The following TUBGCP3 variants were observed in gnomAD, a reference collection of about 807,000 sequenced individuals.
The protein encoded by TUBGCP3 is tubulin gamma complex component 3, also known as gamma-tubulin complex component 3.
A neutral mutation model predicts 123.1 loss-of-function variants in TUBGCP3; 50 were observed. That is an observed-to-expected ratio of 0.41 (90% confidence interval 0.32 to 0.51). TUBGCP3 has a LOEUF of 0.51. Among genes scored for constraint, TUBGCP3 ranks in the 20% least tolerant of loss-of-function variants. The pLI, the probability that TUBGCP3 is intolerant of heterozygous loss-of-function variation, is 0.36. For missense variants in TUBGCP3, 882 were observed against 1,127.0 expected (o/e 0.78, Z 3.11); for synonymous variants, 405 against 413.9 (o/e 0.98, Z 0.26).
chr13:112,555,957 T>A, intron 6 of TUBGCP3, 95 bp downstream of exon 6: 2 of 1,362,380 alleles, frequency 1.5e-6, no homozygotes, highest in Non-Finnish European at 2.0e-6. Context: ...CACTAAAAGG[T>A]TTGAGGTGGG....
intron 3 of TUBGCP3, among the ~76,000 whole-genome samples, chr13:112,563,232 C>T (rs562569935): frequency 6.6e-6 from 1 of 152,268 alleles, no homozygotes; most frequent in South Asian, 2.1e-4. Context: ...ACCTTTCGTC[C>T]CCATGGTCTG....
chr13:112,487,279 TCA>T (rs570151673), intron 21 of TUBGCP3, among the ~76,000 whole-genome samples: 206 of 152,280 alleles, frequency 1.4e-3, no homozygotes, highest in African/African-American at 4.8e-3. Context: ...GGATGTTCTT[TCA>T]CAGTCAATGG....
intron 17 of TUBGCP3, among the ~76,000 whole-genome samples, chr13:112,505,091 C>T (rs994611945): frequency 6.6e-6 from 1 of 152,196 alleles, no homozygotes; most frequent in African/African-American, 2.4e-5. Context: ...GAAACATTTA[C>T]TATTCCCTGG....
intron 17 of TUBGCP3, among the ~76,000 whole-genome samples, chr13:112,510,012 A>G (rs565249855): frequency 1.1e-4 from 17 of 152,348 alleles, no homozygotes; most frequent in African/African-American, 2.9e-4. Flanking sequence ...CTATATAATT[A>G]TAAGAATCCC....
intron 2 of TUBGCP3, 132 bp downstream of exon 2, chr13:112,569,020 T>G (rs1402778855): frequency 1.4e-6 from 1 of 729,728 alleles, no homozygotes; most frequent in East Asian, 2.7e-5. Context: ...AGAATTGACT[T>G]GTCCTTATTT....
intron 14 of TUBGCP3, 64 bp from the exon 15 acceptor site, chr13:112,520,085 G>T: frequency 8.1e-6 from 12 of 1,473,400 alleles, no homozygotes; most frequent in Non-Finnish European, 1.1e-5. Context: ...TTTAAAAAAC[G>T]TATAAACTAT....
chr13:112,491,094 C>G (rs1275272161), intron 20 of TUBGCP3, among the ~76,000 whole-genome samples: 2 of 152,232 alleles, frequency 1.3e-5, no homozygotes, highest in Non-Finnish European at 2.9e-5. Flanking sequence ...TCCTTGGCCC[C>G]CCAAAAGGCC....
At chr13:112,566,109 T>C (rs114500904) in intron 2 of TUBGCP3, among the ~76,000 whole-genome samples, 3 of 152,242 alleles carry the variant, frequency 2.0e-5, no homozygotes, top group Non-Finnish European at 4.4e-5. Context: ...CTGAAAGCAG[T>C]TGCAGCGAAT....
At chr13:112,526,611 A>ACCAC (rs1161302734) in intron 13 of TUBGCP3, among the ~76,000 whole-genome samples, 1 of 148,426 alleles carries the variant, frequency 6.7e-6, no homozygotes, top group African/African-American at 2.5e-5. Flanking sequence ...CATCATCATC[A>ACCAC]CCATCATCAC....
At chr13:112,594,742 T>C in the TUBGCP3 span, among the ~76,000 whole-genome samples, 4 of 152,244 alleles carry the variant, frequency 2.6e-5, no homozygotes, top group Admixed American at 2.6e-4. Context: ...GCTGAGCTTT[T>C]GAATTTTGAT....
Position 112,527,576 on chromosome 13 carries a change from A to G in TUBGCP3, c.1336-92T>C, listed in dbSNP as rs887221336. ...CATCAAAGAGTAAGTTATTCTAGAA[A>G]GCCAAGTTCTCCAGACACAGGGAGT... On this transcript the variant is annotated intron_variant, in intron 11 of 21. Coordinates refer to ENST00000261965, the MANE Select transcript of TUBGCP3 (RefSeq NM_006322.6). The G allele has an allele frequency of 4.6e-6, 4 of 860,726 alleles. No homozygotes were observed. In the African/African-American group the frequency reaches 6.7e-5, roughly 14 times the overall value. 53.3% of individuals were successfully genotyped at this position (860,726 alleles called of 1,614,324 possible).
the TUBGCP3 span, among the ~76,000 whole-genome samples, chr13:112,602,312 C>T: frequency 4.6e-5 from 7 of 152,236 alleles, no homozygotes; most frequent in East Asian, 1.9e-4. Context: ...AATGAGTTTC[C>T]GGATGATTAG....
In TUBGCP3 at chr13:112,587,901, C is replaced by CT. The variant is rs1882741470; in HGVS notation, c.76+3dup. 1 of 1,590,964 alleles carries CT rather than the reference C, an allele frequency of 6.3e-7. No individual in the cohort carries two copies. The highest frequency in any genetic ancestry group is 8.5e-7 in the Non-Finnish European group (1 of 1,170,658). ...GCGGGCTTCGCGTCGCCCGGCCACT[C>CT]TACCTTCGCTCCTGCCCAGGATCCT... On this transcript the variant is annotated splice_donor_region_variant and intron_variant, in intron 1 of 21. Coordinates refer to ENST00000261965, the MANE Select transcript of TUBGCP3 (RefSeq NM_006322.6).
chr13:112,593,262 A>G, the TUBGCP3 span, among the ~76,000 whole-genome samples: 3 of 152,180 alleles, frequency 2.0e-5, no homozygotes, highest in East Asian at 5.8e-4. Flanking sequence ...CTACAAAAAT[A>G]CAAAAATTAG....
intron 20 of TUBGCP3, among the ~76,000 whole-genome samples, chr13:112,492,581 G>A (rs1231585191): frequency 6.7e-6 from 1 of 149,634 alleles, no homozygotes; most frequent in African/African-American, 2.6e-5. Context: ...TGGTGTGTCT[G>A]AGACACCCTG....
chr13:112,538,814 T>C (rs1309469477), intron 11 of TUBGCP3, among the ~76,000 whole-genome samples: 4 of 152,210 alleles, frequency 2.6e-5, no homozygotes, highest in East Asian at 3.8e-4. Flanking sequence ...AAAGTTATAA[T>C]TCCCATTAGG....
intron 19 of TUBGCP3, among the ~76,000 whole-genome samples, chr13:112,499,418 A>C (rs1880748591): frequency 6.6e-6 from 1 of 152,232 alleles, no homozygotes; most frequent in Admixed American, 6.5e-5. Context: ...ACCCGTAACA[A>C]GAGCAATCGT....
At chr13:112,526,065 C>T (rs529731945) in intron 13 of TUBGCP3, among the ~76,000 whole-genome samples, 7 of 152,152 alleles carry the variant, frequency 4.6e-5, no homozygotes, top group African/African-American at 1.4e-4. Flanking sequence ...CTATCATCAC[C>T]GCTATCACCA....
intron 1 of TUBGCP3, among the ~76,000 whole-genome samples, chr13:112,578,847 C>G (rs911539730): frequency 2.0e-5 from 3 of 152,140 alleles, no homozygotes; most frequent in African/African-American, 7.2e-5. Context: ...GTCACCCCCA[C>G]GACCTGGTGT....
Sources: allele counts gnomAD v4.1 joint callset (sites outside exome capture counted in the v4.1 genomes callset), GRCh38; gene constraint gnomAD v4.1.1; transcripts MANE v1.5; gene names NCBI Gene and HGNC (gene_info 2026-07-23, HGNC 2026-07-21).